RGS7: variants seen among roughly 807,000 people sequenced by gnomAD.
RGS7 encodes the protein regulator of G protein signaling 7.
In RGS7, 27 loss-of-function variants were observed where a neutral mutation model predicts 81.1. The observed-to-expected ratio is 0.33, with a 90% confidence interval of 0.25 to 0.46. RGS7 has a LOEUF of 0.46. Ranked by LOEUF, RGS7 falls within the 20% of genes least tolerant of loss-of-function variation. RGS7 has a pLI of 1.00. For missense variants in RGS7, 396 were observed against 607.4 expected, an observed-to-expected ratio of 0.65 and a Z score of 3.66; for synonymous variants, 208 against 207.7, an observed-to-expected ratio of 1.00 and a Z score of -0.01.
At position 241,045,655 on chromosome 1, in the gene RGS7, C is replaced by T. The variant is rs80154242; in HGVS notation, c.175+53011G>A. On this transcript the variant is annotated intron_variant, in intron 3 of 18. Transcript: ENST00000440928. The stretch of plus-strand genomic sequence containing the variant: ...CTGGGATTACAGGCATGAGCCACCG[C>T]GCCTGGCCTGTCTAGGTATCACTGA... 7.4e-3 allele frequency among the ~76,000 whole-genome samples: 1,132 copies of T among 152,258 alleles called. 18 individuals are homozygous for T. Among genetic ancestry groups the T allele is most frequent in the African/African-American group, 0.026 (1,080 of 41,540 alleles).
chr1:240,788,617 T>C (rs1429726162), intron 18 of RGS7, among the ~76,000 whole-genome samples: 4 of 152,246 alleles, frequency 2.6e-5, no homozygotes, highest in African/African-American at 7.2e-5. Context: ...GTGATTCTGA[T>C]GCGTCTCAAG....
At chr1:241,314,299 A>G (rs528834463) in intron 2 of RGS7, among the ~76,000 whole-genome samples, 1 of 152,290 alleles carries the variant, frequency 6.6e-6, no homozygotes, top group East Asian at 1.9e-4. Context: ...AGCCACTCCA[A>G]CCTTCAGCAA....
intron 4 of RGS7, among the ~76,000 whole-genome samples, chr1:240,970,110 T>A (rs1682961220): frequency 6.6e-6 from 1 of 152,200 alleles, no homozygotes; most frequent in African/African-American, 2.4e-5. Context: ...AAGGACAACA[T>A]CCAGCATGGT....
At chr1:240,944,290 A>G (rs367945227) in intron 4 of RGS7, among the ~76,000 whole-genome samples, 5,091 of 26,892 alleles carry the variant, frequency 0.19, 96 homozygotes, top group Non-Finnish European at 0.24. Flanking sequence ...GTGTATATAT[A>G]TATATATATA....
At chr1:240,863,719 T>C (rs1662685305) in intron 9 of RGS7, among the ~76,000 whole-genome samples, 1 of 152,122 alleles carries the variant, frequency 6.6e-6, no homozygotes, top group South Asian at 2.1e-4. Context: ...TGCCCTGAAC[T>C]CTGGACTTTT....
intron 4 of RGS7, among the ~76,000 whole-genome samples, chr1:240,962,949 T>A (rs1480037469): frequency 6.6e-6 from 1 of 152,216 alleles, no homozygotes; most frequent in African/African-American, 2.4e-5. Context: ...GTTTGAACAT[T>A]ATCCTGAGGA....
At chr1:241,321,277 G>T (rs1245882949) in intron 2 of RGS7, among the ~76,000 whole-genome samples, 1 of 152,022 alleles carries the variant, frequency 6.6e-6, no homozygotes, top group African/African-American at 2.4e-5. Flanking sequence ...GAACTTTATT[G>T]CTCTTCCTAT....
intron 6 of RGS7, among the ~76,000 whole-genome samples, chr1:240,906,942 T>C (rs1440503087): frequency 2.0e-5 from 3 of 152,218 alleles, no homozygotes; most frequent in Non-Finnish European, 4.4e-5. Context: ...GAATAAGTTA[T>C]AGAAAATCTT....
At chr1:241,347,853 G>A (rs553281110) in intron 2 of RGS7, among the ~76,000 whole-genome samples, 13 of 151,846 alleles carry the variant, frequency 8.6e-5, no homozygotes, top group Admixed American at 2.0e-4. Context: ...ATTCCCTTAC[G>A]AGGCCATGGT....
intron 9 of RGS7, among the ~76,000 whole-genome samples, chr1:240,856,983 T>C (rs911830520): frequency 1.3e-5 from 2 of 152,170 alleles, no homozygotes; most frequent in African/African-American, 4.8e-5. Context: ...ATGGGCTTTG[T>C]ATTTTACTTC....
intron 3 of RGS7, 97 bp from the exon 4 acceptor site, chr1:240,983,226 G>A: frequency 1.6e-6 from 1 of 641,364 alleles, no homozygotes; most frequent in Non-Finnish European, 2.6e-6. Context: ...CATATTAGAA[G>A]GAACTTTTCT....
At chr1:241,042,950 C>T (rs1273306251) in intron 3 of RGS7, among the ~76,000 whole-genome samples, 3 of 142,930 alleles carry the variant, frequency 2.1e-5, no homozygotes, top group East Asian at 2.0e-4. Flanking sequence ...AGCGATACTC[C>T]GTCTCAAAAA....
Position 241,294,547 on chromosome 1 carries a change from G to A in RGS7, c.78+61152C>T, listed in dbSNP as rs569926784. ...AAATTTTAAAAATAAATTTAGTATC[G>A]CCTAAGTGCAGGGTTTATAAAGTCT... On this transcript the variant is annotated intron_variant, in intron 2 of 18. Transcript: ENST00000440928. Among the ~76,000 whole-genome samples the A allele has an allele frequency of 9.5e-4, 144 of 152,170 alleles. 3 individuals carry two copies. Among genetic ancestry groups the A allele is most frequent in the African/African-American group, 3.2e-3 (133 of 41,534 alleles).
intron 3 of RGS7, among the ~76,000 whole-genome samples, chr1:240,986,355 A>G (rs945415704): frequency 6.6e-6 from 1 of 152,150 alleles, no homozygotes; most frequent in African/African-American, 2.4e-5. Context: ...TTCTATCTTC[A>G]TCTCTTTTTC....
chr1:240,825,961 C>G (rs183606124), intron 10 of RGS7, among the ~76,000 whole-genome samples: 133 of 152,300 alleles, frequency 8.7e-4, no homozygotes, highest in African/African-American at 3.1e-3. Context: ...AGTAATTTCA[C>G]TATTCAGAAA....
intron 2 of RGS7, among the ~76,000 whole-genome samples, chr1:241,141,668 A>G (rs1032147778): frequency 6.6e-6 from 1 of 152,192 alleles, no homozygotes. Context: ...AACCACCCCT[A>G]TGATTCAATT....
At chr1:240,962,669 T>A (rs367574987) in intron 4 of RGS7, among the ~76,000 whole-genome samples, 19 of 152,304 alleles carry the variant, frequency 1.2e-4, no homozygotes, top group South Asian at 4.1e-4. Context: ...AGATCCAATC[T>A]AATCTTGGGA....
At chr1:241,120,920 C>T (rs2066213094) in intron 2 of RGS7, among the ~76,000 whole-genome samples, 1 of 152,136 alleles carries the variant, frequency 6.6e-6, no homozygotes, top group African/African-American at 2.4e-5. Context: ...AGTAAGCCTG[C>T]TTCACACTAC....
chr1:241,193,587 C>T (rs75685022), intron 2 of RGS7, among the ~76,000 whole-genome samples: 3,550 of 152,252 alleles, frequency 0.023, 131 homozygotes, highest in African/African-American at 0.08. Flanking sequence ...AAATTAAATA[C>T]ATATAGACAA....
Sources: gnomAD v4.1 joint callset for allele counts (sites outside exome capture counted in the v4.1 genomes callset) on GRCh38, gnomAD v4.1.1 for gene constraint, MANE v1.5 for transcripts, NCBI Gene and HGNC (gene_info 2026-07-23, HGNC 2026-07-21) for gene names.